LARGE1: variants seen among roughly 807,000 people sequenced by gnomAD.
LARGE1 encodes the protein xylosyl- and glucuronyltransferase LARGE1.
A neutral mutation model predicts 87.6 loss-of-function variants in LARGE1; 43 were observed. That is an observed-to-expected ratio of 0.49 (90% CI 0.38 to 0.63). The LOEUF is 0.63. Among genes scored for constraint, LARGE1 ranks in the 30% least tolerant of loss-of-function variants. The pLI, the probability that LARGE1 is intolerant of heterozygous loss-of-function variation, is 0.00. For synonymous variants in LARGE1, 434 were observed against 394.6 expected, an observed-to-expected ratio of 1.10 and a Z score of -1.18; for missense variants, 802 against 1,000.2, an observed-to-expected ratio of 0.80 and a Z score of 2.67.
chr22:33,199,019 T>G (rs1924232926), intron 11 of LARGE1, among the ~76,000 whole-genome samples: 1 of 152,214 alleles, frequency 6.6e-6, no homozygotes, highest in Non-Finnish European at 1.5e-5. Flanking sequence ...TTTTTTGACT[T>G]TCTGATAATA....
At chr22:33,585,936 C>G (rs911062729) in intron 5 of LARGE1, among the ~76,000 whole-genome samples, 1 of 152,204 alleles carries the variant, frequency 6.6e-6, no homozygotes, top group African/African-American at 2.4e-5. Flanking sequence ...CGACCTCAAA[C>G]GATCCACCTG....
chr22:33,668,873 T>C (rs759038671), intron 2 of LARGE1, among the ~76,000 whole-genome samples: 7 of 152,238 alleles, frequency 4.6e-5, no homozygotes, highest in Non-Finnish European at 1.0e-4. Flanking sequence ...AGTGTAAGTA[T>C]GTAATGGCGT....
chr22:33,071,395 A>G, the LARGE1 span, among the ~76,000 whole-genome samples: 1 of 152,186 alleles, frequency 6.6e-6, no homozygotes, highest in Non-Finnish European at 1.5e-5. Context: ...ACACGTTGTT[A>G]AAGTGTGTGT....
At chr22:33,392,062 C>T (rs1194275060) in intron 7 of LARGE1, among the ~76,000 whole-genome samples, 1 of 152,014 alleles carries the variant, frequency 6.6e-6, no homozygotes, top group East Asian at 1.9e-4. Flanking sequence ...AGCCACCGTG[C>T]CCAGCCTACC....
intron 12 of LARGE1, among the ~76,000 whole-genome samples, chr22:33,284,215 T>C (rs922442848): frequency 1.3e-5 from 2 of 152,120 alleles, no homozygotes; most frequent in East Asian, 3.9e-4. Flanking sequence ...GGTCAATCAC[T>C]CCGACTGCAC....
intron 1 of LARGE1, among the ~76,000 whole-genome samples, chr22:33,906,087 G>A (rs930740604): frequency 7.2e-5 from 11 of 152,218 alleles, no homozygotes; most frequent in Middle Eastern, 6.8e-3. Context: ...CCGAGATTGC[G>A]CCACTGCACT....
chr22:33,201,437 A>G (rs1568971333), intron 11 of LARGE1, among the ~76,000 whole-genome samples: 2 of 94,084 alleles, frequency 2.1e-5, no homozygotes, highest in Admixed American at 9.8e-5. Flanking sequence ...GGAAAGAAGG[A>G]AGGAAGGAAG....
At chr22:33,201,799 G>A (rs1391126116) in intron 11 of LARGE1, among the ~76,000 whole-genome samples, 1 of 152,188 alleles carries the variant, frequency 6.6e-6, no homozygotes, top group Non-Finnish European at 1.5e-5. Flanking sequence ...GAGATCCGCT[G>A]AAGCGTTTTG....
Position 33,381,994 on chromosome 22 carries a change from G to T in LARGE1, c.1056C>A (p.Leu352=), listed in dbSNP as rs369877399. ...ACAGCTGCACATTCCAGAAGCAGGG[G>T]AGCTGGTACACAAGGAAGGGGTTTT... is the stretch of plus-strand genomic sequence containing the variant. ...IKQNPFLVYQ[L]PCFWNVQLSD... is the part of the protein sequence containing the mutation. The change falls in exon 9 of 15, where the codon CTC becomes CTA. Residue 352 remains leucine, a synonymous_variant. Coordinates refer to ENST00000397394, the MANE Select transcript of LARGE1 (RefSeq NM_133642.5). 4.3e-6 allele frequency: 7 copies of T among 1,614,052 alleles called. No homozygotes were observed. The East Asian group carries it at 1.1e-4, about 26-fold the overall frequency.
At position 33,351,174 on chromosome 22, in the gene LARGE1, T is replaced by G. The variant is rs1294001190; in HGVS notation, c.1132-13373A>C. Among the ~76,000 whole-genome samples, 11 of 152,354 alleles carry G rather than the reference T, an allele frequency of 7.2e-5. No individual in the cohort carries two copies. In the South Asian group the frequency reaches 2.3e-3, roughly 32 times the overall value. On this transcript the variant is annotated intron_variant, in intron 9 of 14. Coordinates refer to ENST00000397394, the MANE Select transcript of LARGE1 (RefSeq NM_133642.5). Reference sequence around the variant, plus strand: ...ACCAGTGTCTAGCTCATAGCAAGTGTGCAATTAATATCTGTTGAATGACTA... The same window carrying G: ...ACCAGTGTCTAGCTCATAGCAAGTGGGCAATTAATATCTGTTGAATGACTA...
chr22:33,748,099 T>C (rs939513796), intron 2 of LARGE1, among the ~76,000 whole-genome samples: 22 of 146,690 alleles, frequency 1.5e-4, no homozygotes, highest in Admixed American at 2.7e-4. Flanking sequence ...GAAGGAATCT[T>C]GGCATGGCCA....
At chr22:33,115,530 A>G in the LARGE1 span, among the ~76,000 whole-genome samples, 1 of 151,794 alleles carries the variant, frequency 6.6e-6, no homozygotes, top group South Asian at 2.1e-4. Context: ...TCTAAAGAAG[A>G]GAAGAGGCCA....
chr22:33,802,780 A>G (rs1277447398), intron 1 of LARGE1, among the ~76,000 whole-genome samples: 1 of 152,042 alleles, frequency 6.6e-6, no homozygotes, highest in Admixed American at 6.6e-5. Flanking sequence ...CCCTCTCCCT[A>G]AACAATACCA....
intron 6 of LARGE1, among the ~76,000 whole-genome samples, chr22:33,463,162 C>T (rs62225316): frequency 0.17 from 25,447 of 150,790 alleles, 2,336 homozygotes; most frequent in East Asian, 0.29. Flanking sequence ...TCTTGGTGGC[C>T]GCAATCTAGT....
At chr22:33,430,741 T>C (rs2067050427) in intron 7 of LARGE1, among the ~76,000 whole-genome samples, 1 of 152,218 alleles carries the variant, frequency 6.6e-6, no homozygotes, top group African/African-American at 2.4e-5. Flanking sequence ...CTTGTCCTCC[T>C]CTAGCTTTGA....
At chr22:33,439,036 C>T (rs2067374248) in intron 6 of LARGE1, among the ~76,000 whole-genome samples, 1 of 151,816 alleles carries the variant, frequency 6.6e-6, no homozygotes, top group Non-Finnish European at 1.5e-5. Flanking sequence ...CATAGTGAAA[C>T]CCCCGCCTCT....
At chr22:33,550,741 C>A (rs1260107188) in intron 6 of LARGE1, among the ~76,000 whole-genome samples, 1 of 152,224 alleles carries the variant, frequency 6.6e-6, no homozygotes, top group Admixed American at 6.5e-5. Context: ...AAGACACCTG[C>A]ACTGATGTTT....
At chr22:33,780,172 G>C (rs946078473) in intron 1 of LARGE1, among the ~76,000 whole-genome samples, 1 of 152,204 alleles carries the variant, frequency 6.6e-6, no homozygotes, top group Non-Finnish European at 1.5e-5. Context: ...TTACAAGGAC[G>C]CTGGTTGTAA....
chr22:33,410,427 CG>C (rs953687363), intron 7 of LARGE1, among the ~76,000 whole-genome samples: 1 of 151,702 alleles, frequency 6.6e-6, no homozygotes, highest in Admixed American at 6.6e-5. Flanking sequence ...ATCATGGGGG[CG>C]GGGGGCGGTT....
Sources: gnomAD v4.1 joint callset for allele counts (sites outside exome capture counted in the v4.1 genomes callset) on GRCh38, gnomAD v4.1.1 for gene constraint, MANE v1.5 for transcripts, NCBI Gene and HGNC (gene_info 2026-07-23, HGNC 2026-07-21) for gene names.